Variants in NEGR1 observed in about 807,000 individuals in gnomAD.
NEGR1 encodes the protein neuronal growth regulator 1, also known as IgLON family member 4.
A neutral mutation model predicts 40.9 loss-of-function variants in NEGR1; 10 were observed. That is an observed-to-expected ratio of 0.24 (90% CI 0.15 to 0.42). NEGR1 has a LOEUF of 0.42. Among genes scored for constraint, NEGR1 ranks in the 10% least tolerant of loss-of-function variants. The pLI is 1.00. For missense variants in NEGR1, 352 were observed against 438.9 expected, an observed-to-expected ratio of 0.80 and a Z score of 1.77; for synonymous variants, 185 against 166.8, an observed-to-expected ratio of 1.11 and a Z score of -0.84.
chr1:71,728,434 T>C (rs1265538129), intron 3 of NEGR1, among the ~76,000 whole-genome samples: 1 of 152,100 alleles, frequency 6.6e-6, no homozygotes, highest in Non-Finnish European at 1.5e-5. Flanking sequence ...GTGACTCCCA[T>C]CTCATGACAA....
chr1:72,206,911 T>G (rs1653424018), intron 1 of NEGR1, among the ~76,000 whole-genome samples: 1 of 151,478 alleles, frequency 6.6e-6, no homozygotes, highest in Non-Finnish European at 1.5e-5. Flanking sequence ...GTATGAAAAG[T>G]AAGAGAACCA....
chr1:71,726,795 A>T (rs1050902605), intron 3 of NEGR1, among the ~76,000 whole-genome samples: 6 of 152,088 alleles, frequency 3.9e-5, no homozygotes, highest in Non-Finnish European at 8.8e-5. Context: ...TTCAACTTGG[A>T]CAAGACAGAG....
intron 6 of NEGR1, among the ~76,000 whole-genome samples, chr1:71,501,279 A>G (rs1003563288): frequency 1.3e-5 from 2 of 152,116 alleles, no homozygotes; most frequent in African/African-American, 4.8e-5. Context: ...AAATGATGAG[A>G]TATTTCCTTT....
chr1:71,580,933 A>G (rs571956296), intron 6 of NEGR1, among the ~76,000 whole-genome samples: 1 of 152,322 alleles, frequency 6.6e-6, no homozygotes, highest in East Asian at 1.9e-4. Flanking sequence ...AGGCCAATTG[A>G]GAAAGTTTTA....
At chr1:72,000,425 TA>T (rs774237975) in intron 1 of NEGR1, among the ~76,000 whole-genome samples, 25 of 150,878 alleles carry the variant, frequency 1.7e-4, no homozygotes, top group African/African-American at 4.8e-4. Context: ...AGGCAAAATA[TA>T]AAAAAAAATG....
intron 1 of NEGR1, among the ~76,000 whole-genome samples, chr1:72,235,283 C>A (rs1000481374): frequency 2.0e-5 from 3 of 152,026 alleles, no homozygotes; most frequent in African/African-American, 7.2e-5. Flanking sequence ...CAACACAGAG[C>A]GCTTGTGAAG....
intron 6 of NEGR1, among the ~76,000 whole-genome samples, chr1:71,447,201 C>T (rs978201437): frequency 7.9e-5 from 12 of 152,098 alleles, no homozygotes; most frequent in Non-Finnish European, 5.9e-5. Context: ...GGTGAGCACT[C>T]GTCATGAGCC....
chr1:71,487,060 A>G (rs987136175), intron 6 of NEGR1: 3 of 151,632 alleles, frequency 2.0e-5, no homozygotes, highest in African/African-American at 7.3e-5. Context: ...AGAAAGAGAC[A>G]CAATACATAG....
chr1:71,505,189 T>G (rs1186529816), intron 6 of NEGR1, among the ~76,000 whole-genome samples: 2 of 152,214 alleles, frequency 1.3e-5, no homozygotes, highest in Admixed American at 6.5e-5. Flanking sequence ...ACAAAAAGCC[T>G]AATGTGTTAT....
At chr1:71,521,389 G>T (rs904287691) in intron 6 of NEGR1, among the ~76,000 whole-genome samples, 5 of 151,958 alleles carry the variant, frequency 3.3e-5, no homozygotes, top group Admixed American at 3.3e-4. Context: ...TATGTTACCA[G>T]TGGAATGAGA....
chr1:72,037,375 T>C (rs1435896165), intron 1 of NEGR1, among the ~76,000 whole-genome samples: 1 of 152,194 alleles, frequency 6.6e-6, no homozygotes, highest in Non-Finnish European at 1.5e-5. Flanking sequence ...TACAACATTA[T>C]GAAGTCAATA....
intron 1 of NEGR1, among the ~76,000 whole-genome samples, chr1:71,957,570 T>C (rs776466049): frequency 1.3e-5 from 2 of 152,152 alleles, no homozygotes; most frequent in African/African-American, 2.4e-5. Flanking sequence ...GAGAGGAATA[T>C]GGTATATAGC....
At chr1:71,559,993 T>G (rs1194107546) in intron 6 of NEGR1, among the ~76,000 whole-genome samples, 10 of 151,396 alleles carry the variant, frequency 6.6e-5, no homozygotes, top group Non-Finnish European at 1.5e-4. Context: ...CTAAGTGTTA[T>G]TGAAAGACCA....
At chr1:71,806,364 G>T (rs982029611) in intron 2 of NEGR1, among the ~76,000 whole-genome samples, 1 of 151,894 alleles carries the variant, frequency 6.6e-6, no homozygotes, top group Admixed American at 6.6e-5. Flanking sequence ...GCTTAAAATG[G>T]TTAAAGTGTA....
chr1:71,448,453 G>T (rs1306813176), intron 6 of NEGR1, among the ~76,000 whole-genome samples: 1 of 152,064 alleles, frequency 6.6e-6, no homozygotes, highest in Non-Finnish European at 1.5e-5. Context: ...ACAAAAATTA[G>T]CCGTGCATGG....
At chr1:72,028,688 T>A (rs781649441) in intron 1 of NEGR1, among the ~76,000 whole-genome samples, 1 of 152,366 alleles carries the variant, frequency 6.6e-6, no homozygotes, top group African/African-American at 2.4e-5. Flanking sequence ...ATATGTCTAC[T>A]TAACCTTCAA....
intron 3 of NEGR1, among the ~76,000 whole-genome samples, chr1:71,722,376 T>C (rs1277658125): frequency 6.6e-6 from 1 of 152,138 alleles, no homozygotes; most frequent in East Asian, 1.9e-4. Context: ...ATCCACGTAT[T>C]ATTTTATTTT....
rs375717106 is a variant in NEGR1 at position 71,397,805 on chromosome 1, C to G, written c.*9641G>C. On this transcript the variant is annotated 3_prime_UTR_variant, in exon 7 of 7. Transcript: ENST00000357731. The stretch of plus-strand genomic sequence containing the variant: ...TGGGGAATATGTCTCCAGGGCACGT[C>G]AGAGACCTTTGCAGCAGCCCCTGCC... 1 of 152,214 alleles carries G rather than the reference C, an allele frequency of 6.6e-6. No homozygotes were observed. Among genetic ancestry groups the G allele is most frequent in the African/African-American group, 2.4e-5 (1 of 41,438 alleles). The allele number at this position is 152,214 out of a possible 1,614,324, so 9.4% of individuals were successfully genotyped here.
chr1:71,497,180 C>A (rs1160542497), intron 6 of NEGR1, among the ~76,000 whole-genome samples: 1 of 152,080 alleles, frequency 6.6e-6, no homozygotes, highest in East Asian at 1.9e-4. Context: ...CTGGTAAGTG[C>A]TGATCAATTG....
Sources: allele counts gnomAD v4.1 joint callset (sites outside exome capture counted in the v4.1 genomes callset), GRCh38; gene constraint gnomAD v4.1.1; transcripts MANE v1.5; gene names NCBI Gene and HGNC (gene_info 2026-07-23, HGNC 2026-07-21).